Variants in OR6C2 observed in about 807,000 individuals in gnomAD.
The protein encoded by OR6C2 is olfactory receptor 6C2.
For missense variants in OR6C2, 435 were observed against 365.8 expected (o/e 1.19, Z -1.54); for synonymous variants, 146 against 134.2 (o/e 1.09, Z -0.61).
chr12:55,446,566 A>T (rs550585199), intron 1 of OR6C2, among the ~76,000 whole-genome samples: 4 of 152,188 alleles, frequency 2.6e-5, no homozygotes, highest in Non-Finnish European at 4.4e-5. Context: ...CTGACAGGAA[A>T]GCAAAGAGAG....
At chr12:55,447,862 A>T (rs1337843730) in intron 1 of OR6C2, among the ~76,000 whole-genome samples, 2 of 152,070 alleles carry the variant, frequency 1.3e-5, no homozygotes, top group African/African-American at 4.8e-5. Flanking sequence ...AACAGGTGGG[A>T]TTACTGGATC....
chr12:55,445,726 T>C (rs941766506), intron 1 of OR6C2, among the ~76,000 whole-genome samples: 1 of 152,216 alleles, frequency 6.6e-6, no homozygotes, highest in African/African-American at 2.4e-5. Flanking sequence ...ATCCTTCATT[T>C]GTGCCTGAAA....
In OR6C2 at chr12:55,453,067, C is replaced by T. The variant is rs766129652; in HGVS notation, c.854C>T (p.Pro285Leu). Reference sequence around the variant, plus strand: ...ACTTCTGTCGCACCCTTGTTGAACCCCTTCATTTACACCTTGAGGAACAAG... The same window carrying T: ...ACTTCTGTCGCACCCTTGTTGAACCTCTTCATTTACACCTTGAGGAACAAG... ...LTTSVAPLLN[P>L]FIYTLRNKQV... is the part of the protein sequence containing the mutation. Residue 285 changes from proline (P) to leucine (L), a missense_variant, in exon 2 of 2, where the codon CCC becomes CTC. Coordinates refer to ENST00000641202, the MANE Select transcript of OR6C2 (RefSeq NM_054105.2). 1.6e-5 allele frequency: 26 copies of T among 1,613,190 alleles called. No individual in the cohort carries two copies. Among genetic ancestry groups the T allele is most frequent in the Non-Finnish European group, 1.9e-5 (22 of 1,179,602 alleles).
chr12:55,452,806 T>TA lies in OR6C2; in HGVS notation c.594dup (p.Leu199ThrfsTer67). 1 of 1,613,834 alleles carries TA rather than the reference T, an allele frequency of 6.2e-7. No homozygotes were observed. The highest frequency in any genetic ancestry group is 1.3e-5 in the African/African-American group (1 of 75,018). On this transcript the variant is annotated frameshift_variant, in exon 2 of 2. Coordinates refer to ENST00000641202, the MANE Select transcript of OR6C2 (RefSeq NM_054105.2). LOFTEE classifies it low-confidence loss of function (END_TRUNC). ...ACATGGGTAATAGAACAGATGGTTA[T>TA]ACTTATGGCTGTATTTGCACTCATT...
chr12:55,447,006 AC>A (rs1453399936), intron 1 of OR6C2, among the ~76,000 whole-genome samples: 3 of 152,162 alleles, frequency 2.0e-5, no homozygotes, highest in Non-Finnish European at 4.4e-5. Flanking sequence ...TGTTGAACTT[AC>A]ACCTGTAGAT....
Position 55,452,929 on chromosome 12 carries a change from G to A in OR6C2, c.716G>A (p.Cys239Tyr), listed in dbSNP as rs754486113. 8.7e-6 allele frequency: 14 copies of A among 1,613,678 alleles called. No individual in the cohort carries two copies. The highest frequency in any genetic ancestry group is 1.1e-5 in the Non-Finnish European group (13 of 1,179,752). Reference protein sequence around the residue: ...VQQRKKAFSTCSSHMIVVSIA... With the variant: ...VQQRKKAFSTYSSHMIVVSIA... Reference sequence around the variant, plus strand: ...CAAAGGAAAAAGGCCTTTTCTACCTGTTCATCCCACATGATTGTGGTTTCC... The same window carrying A: ...CAAAGGAAAAAGGCCTTTTCTACCTATTCATCCCACATGATTGTGGTTTCC... Residue 239 changes from cysteine (C) to tyrosine (Y), a missense_variant, in exon 2 of 2, where the codon TGT becomes TAT. Coordinates refer to ENST00000641202, the MANE Select transcript of OR6C2 (RefSeq NM_054105.2).
chr12:55,452,617 A>G lies in OR6C2; in HGVS notation c.404A>G (p.Asn135Ser). Reference sequence around the variant, plus strand: ...CCCCTTCATTATGTGGTCATCATGAACAACAGGGTGTGTACCTTATTAGTT... The same window carrying G: ...CCCCTTCATTATGTGGTCATCATGAGCAACAGGGTGTGTACCTTATTAGTT... ...CKPLHYVVIM[N>S]NRVCTLLVLC... Residue 135 changes from asparagine to serine, a missense_variant, in exon 2 of 2, where the codon AAC becomes AGC. Transcript: ENST00000641202. 6.2e-7 allele frequency: 1 copy of G among 1,613,836 alleles called. No homozygotes were observed. The highest frequency in any genetic ancestry group is 8.5e-7 in the Non-Finnish European group (1 of 1,179,862).
chr12:55,452,634 T>G lies in OR6C2; in HGVS notation c.421T>G (p.Leu141Val). The G allele has an allele frequency of 6.2e-7, 1 of 1,613,830 alleles. No homozygotes were observed. Among genetic ancestry groups the G allele is most frequent in the Non-Finnish European group, 8.5e-7 (1 of 1,179,842 alleles). The change falls in exon 2 of 2, where the codon TTA becomes GTA. Residue 141 changes from leucine to valine, a missense_variant. Transcript: ENST00000641202. ...VVIMNNRVCT[L>V]LVLCCWVAGL... ...CATCATGAACAACAGGGTGTGTACC[T>G]TATTAGTTCTCTGCTGTTGGGTGGC...
chr12:55,448,374 T>C (rs1178206919), intron 1 of OR6C2, among the ~76,000 whole-genome samples: 1 of 151,230 alleles, frequency 6.6e-6, no homozygotes, highest in Non-Finnish European at 1.5e-5. Flanking sequence ...AGTGAATTTG[T>C]ATAACATTAA....
intron 1 of OR6C2, among the ~76,000 whole-genome samples, chr12:55,446,817 C>T (rs1871371694): frequency 6.6e-6 from 1 of 151,986 alleles, no homozygotes; most frequent in Admixed American, 6.6e-5. Flanking sequence ...ATTAAAAGTG[C>T]CATTGCATTT....
At position 55,452,574 on chromosome 12, in the gene OR6C2, T is replaced by C. The variant is rs375640014; in HGVS notation, c.361T>C (p.Tyr121His). The C allele has an allele frequency of 6.2e-7, 1 of 1,613,872 alleles. No individual in the cohort carries two copies. Among genetic ancestry groups the C allele is most frequent in the Non-Finnish European group, 8.5e-7 (1 of 1,179,858 alleles). Residue 121 changes from tyrosine (Y) to histidine (H), a missense_variant, in exon 2 of 2, where the codon TAT becomes CAT. Tyr to His is a moderately conservative substitution (Grantham distance 83, BLOSUM62 2). Coordinates refer to ENST00000641202, the MANE Select transcript of OR6C2 (RefSeq NM_054105.2). ...CTTGGCAGCCATGTCCTATGACCGC[T>C]ATGTGGCCATCTGTAAACCCCTTCA... ...FLLAAMSYDRYVAICKPLHYV... is the reference protein window; with the variant it reads ...FLLAAMSYDRHVAICKPLHYV...
At chr12:55,450,415 A>G (rs1384474877) in intron 1 of OR6C2, among the ~76,000 whole-genome samples, 3 of 152,138 alleles carry the variant, frequency 2.0e-5, no homozygotes, top group African/African-American at 7.2e-5. Flanking sequence ...AGAAAATGGT[A>G]AGTGATGAGA....
At chr12:55,450,375 AG>A (rs1210426691) in intron 1 of OR6C2, among the ~76,000 whole-genome samples, 2 of 152,138 alleles carry the variant, frequency 1.3e-5, no homozygotes, top group African/African-American at 4.8e-5. Flanking sequence ...GTCAATGCTA[AG>A]GCAACTTGAG....
chr12:55,453,028 T>C lies in OR6C2; in HGVS notation c.815T>C (p.Val272Ala). 1 of 1,613,480 alleles carries C rather than the reference T, an allele frequency of 6.2e-7. No homozygotes were observed. The highest frequency in any genetic ancestry group is 8.5e-7 in the Non-Finnish European group (1 of 1,179,662). ...AKDEVAINKG[V>A]SVLTTSVAPL... ...GATGAGGTGGCCATAAATAAAGGAG[T>C]TTCAGTTCTTACTACTTCTGTCGCA... The change falls in exon 2 of 2, where the codon GTT becomes GCT. Residue 272 changes from valine (V) to alanine (A), a missense_variant. Val to Ala is a moderately conservative substitution (Grantham distance 64). Transcript: ENST00000641202.
In OR6C2 at chr12:55,452,420, C is replaced by G. The variant is rs1279873078; in HGVS notation, c.207C>G (p.Val69=). The stretch of plus-strand genomic sequence containing the variant: ...TCAGAAATTTTTCCTTCTTAGAAGT[C>G]TCATTTACTACAGTCTGCATTCCCA... The part of the protein sequence containing the change: ...FFLRNFSFLE[V]SFTTVCIPRF... Residue 69 remains valine (V), a synonymous_variant, in exon 2 of 2, where the codon GTC becomes GTG. Coordinates refer to ENST00000641202, the MANE Select transcript of OR6C2 (RefSeq NM_054105.2). 6.2e-7 allele frequency: 1 copy of G among 1,613,412 alleles called. No homozygotes were observed. The highest frequency in any genetic ancestry group is 8.5e-7 in the Non-Finnish European group (1 of 1,179,510).
At chr12:55,451,165 A>G (rs1314347572) in intron 1 of OR6C2, among the ~76,000 whole-genome samples, 162 bp from the exon 2 acceptor site, 1 of 152,070 alleles carries the variant, frequency 6.6e-6, no homozygotes, top group Admixed American at 6.6e-5. Context: ...CCTTTGAGTT[A>G]CAAATAATTC....
intron 1 of OR6C2, among the ~76,000 whole-genome samples, chr12:55,450,321 C>T (rs2120683672): frequency 6.6e-6 from 1 of 152,088 alleles, no homozygotes; most frequent in Non-Finnish European, 1.5e-5. Context: ...AAAAGATTAG[C>T]CTGTGCAGAC....
chr12:55,449,079 G>A (rs1871420064), intron 1 of OR6C2, among the ~76,000 whole-genome samples: 1 of 151,854 alleles, frequency 6.6e-6, no homozygotes, highest in Non-Finnish European at 1.5e-5. Flanking sequence ...ATACATTCAG[G>A]TTGTATTAAT....
Position 55,452,383 on chromosome 12 carries a change from T to G in OR6C2, c.170T>G (p.Met57Arg). The change falls in exon 2 of 2, where the codon ATG becomes AGG. Residue 57 changes from methionine to arginine, a missense_variant. Physicochemically the swap from Met to Arg is moderately conservative, Grantham distance 91 (BLOSUM62 -1). Coordinates refer to ENST00000641202, the MANE Select transcript of OR6C2 (RefSeq NM_054105.2). The part of the protein sequence containing the change: ...TLVDHHLKTP[M>R]YFFLRNFSFL... ...GTGGACCACCACCTTAAAACTCCTA[T>G]GTACTTCTTTCTCAGAAATTTTTCC... 3 of 1,613,704 alleles carry G rather than the reference T, an allele frequency of 1.9e-6. No homozygotes were observed. Among genetic ancestry groups the G allele is most frequent in the African/African-American group, 1.3e-5 (1 of 75,050 alleles).
Sources: allele counts gnomAD v4.1 joint callset (sites outside exome capture counted in the v4.1 genomes callset), GRCh38; gene constraint gnomAD v4.1.1; transcripts MANE v1.5; gene names NCBI Gene and HGNC (gene_info 2026-07-23, HGNC 2026-07-21).